The following TBL1XR1 variants were observed in gnomAD, a reference collection of about 807,000 sequenced individuals.
TBL1XR1 encodes the protein F-box-like/WD repeat-containing protein TBL1XR1.
In TBL1XR1, 5 loss-of-function variants were observed where a neutral mutation model predicts 66.9. The observed-to-expected ratio is 0.07, with a 90% CI of 0.04 to 0.16. The LOEUF (loss-of-function observed/expected upper bound fraction) is 0.16, where lower values mean the gene tolerates loss of function less well. Among genes scored for constraint, TBL1XR1 ranks in the 10% least tolerant of loss-of-function variants. TBL1XR1 has a pLI of 1.00. For synonymous variants in TBL1XR1, 210 were observed against 206.0 expected, an observed-to-expected ratio of 1.02 and a Z score of -0.17; for missense variants, 238 against 623.2, an observed-to-expected ratio of 0.38 and a Z score of 6.58.
At chr3:177,161,501 G>C (rs1732204829) in intron 1 of TBL1XR1, among the ~76,000 whole-genome samples, 1 of 152,128 alleles carries the variant, frequency 6.6e-6, no homozygotes, top group Non-Finnish European at 1.5e-5. Flanking sequence ...GGCACTAATT[G>C]GCCAGGCGCG....
At chr3:177,148,310 T>TA (rs1223629889) in intron 1 of TBL1XR1, among the ~76,000 whole-genome samples, 1 of 152,260 alleles carries the variant, frequency 6.6e-6, no homozygotes. Flanking sequence ...AAAGACTTTT[T>TA]AATTTGTGGA....
At chr3:177,169,748 A>G (rs1016921457) in intron 1 of TBL1XR1, among the ~76,000 whole-genome samples, 50 of 152,210 alleles carry the variant, frequency 3.3e-4, no homozygotes, top group Non-Finnish European at 7.3e-5. Context: ...GCAGCTCTAA[A>G]AGATGTAAAT....
chr3:177,042,593 T>G (rs1715739067), intron 10 of TBL1XR1, among the ~76,000 whole-genome samples: 1 of 152,190 alleles, frequency 6.6e-6, no homozygotes, highest in Non-Finnish European at 1.5e-5. Context: ...CCTCCTTATT[T>G]TATATTTACT....
At chr3:177,187,968 G>A (rs1480762765) in intron 1 of TBL1XR1, among the ~76,000 whole-genome samples, 4 of 13,908 alleles carry the variant, frequency 2.9e-4, no homozygotes, top group African/African-American at 9.6e-4. Flanking sequence ...TTTTTTTTTT[G>A]AGATGGAGTC....
rs1241413066 is a variant in TBL1XR1, at chr3:177,130,830, C to T, written c.-121-32289G>A. ...TCTAGAAATGTTTTGAAAGAAAAGGCCACCATATTTGGGGTTTAGAGGTAC... is the reference window on the plus strand; with the variant it reads ...TCTAGAAATGTTTTGAAAGAAAAGGTCACCATATTTGGGGTTTAGAGGTAC... On this transcript the variant is annotated intron_variant, in intron 1 of 15. Transcript: ENST00000457928. Among the ~76,000 whole-genome samples, 4 of 152,222 alleles carry T rather than the reference C, an allele frequency of 2.6e-5. No homozygotes were observed. In the East Asian group the frequency reaches 7.7e-4, roughly 29 times the overall value.
chr3:177,174,645 T>A (rs1433218477), intron 1 of TBL1XR1, among the ~76,000 whole-genome samples: 1 of 152,132 alleles, frequency 6.6e-6, no homozygotes, highest in Non-Finnish European at 1.5e-5. Context: ...TACCACTCTC[T>A]TATGAATCTC....
chr3:177,160,838 A>T (rs1038358884), intron 1 of TBL1XR1: 1 of 152,044 alleles, frequency 6.6e-6, no homozygotes, highest in Non-Finnish European at 1.5e-5. Context: ...GCTACTAAAA[A>T]TACAAAAGTT....
intron 10 of TBL1XR1, among the ~76,000 whole-genome samples, chr3:177,045,369 G>A (rs1716182688): frequency 6.6e-6 from 1 of 152,124 alleles, no homozygotes; most frequent in Non-Finnish European, 1.5e-5. Flanking sequence ...AGTTACTGCA[G>A]TCGGGAAACT....
chr3:177,154,652 C>T (rs1405711937), intron 1 of TBL1XR1, among the ~76,000 whole-genome samples: 2 of 152,128 alleles, frequency 1.3e-5, no homozygotes, highest in Admixed American at 6.6e-5. Context: ...GCCTCAGCCT[C>T]CCGGAGTGCT....
chr3:177,108,692 C>CA (rs1725181621), intron 1 of TBL1XR1, among the ~76,000 whole-genome samples: 2 of 152,022 alleles, frequency 1.3e-5, no homozygotes, highest in Admixed American at 6.6e-5. Flanking sequence ...CAAAAAGAAT[C>CA]AACTCCCTAA....
intron 1 of TBL1XR1, among the ~76,000 whole-genome samples, chr3:177,143,198 T>C (rs1729829623): frequency 6.6e-6 from 1 of 151,992 alleles, no homozygotes; most frequent in African/African-American, 2.4e-5. Context: ...TAGGAAGTTA[T>C]CTTTAAACAG....
chr3:177,101,990 T>A (rs1202580636), intron 1 of TBL1XR1, among the ~76,000 whole-genome samples: 3 of 135,678 alleles, frequency 2.2e-5, no homozygotes, highest in Non-Finnish European at 4.9e-5. Context: ...TGAACATAAA[T>A]AAATGAACAT....
At chr3:177,189,786 G>A (rs535844568) in intron 1 of TBL1XR1, among the ~76,000 whole-genome samples, 21 of 152,078 alleles carry the variant, frequency 1.4e-4, no homozygotes, top group Non-Finnish European at 2.9e-4. Flanking sequence ...ACATTCTTCT[G>A]GTAGATAAAA....
intron 1 of TBL1XR1, among the ~76,000 whole-genome samples, chr3:177,126,871 C>A (rs1727700236): frequency 6.7e-6 from 1 of 150,076 alleles, no homozygotes; most frequent in African/African-American, 2.4e-5. Context: ...CAAATCAAAT[C>A]CTTTTCAAGT....
rs932532727 is a variant in TBL1XR1, at chr3:177,153,968, T to C, written c.-122+43153A>G. On this transcript the variant is annotated intron_variant, in intron 1 of 15. Coordinates refer to ENST00000457928, the MANE Select transcript of TBL1XR1 (RefSeq NM_024665.7). ...TAATAAGACAATAGTAGAAATAATA[T>C]AGAGTGCTAATAATTACTAAATCAA... 9.5e-5 allele frequency among the ~76,000 whole-genome samples: 14 copies of C among 147,118 alleles called. 1 individual carries two copies. The Middle Eastern group carries it at 0.014, about 149-fold the overall frequency.
intron 2 of TBL1XR1, among the ~76,000 whole-genome samples, chr3:177,076,090 G>A (rs940561695): frequency 6.6e-6 from 1 of 152,214 alleles, no homozygotes; most frequent in Non-Finnish European, 1.5e-5. Flanking sequence ...AAGGCTCTCT[G>A]CTTCATAAAT....
chr3:177,073,796 A>G (rs942580674), intron 2 of TBL1XR1, among the ~76,000 whole-genome samples: 7 of 152,136 alleles, frequency 4.6e-5, no homozygotes, highest in African/African-American at 1.7e-4. Flanking sequence ...GTAAAGGCGC[A>G]CTGCTCCCGC....
chr3:177,034,632 T>C (rs1374843167), intron 12 of TBL1XR1, among the ~76,000 whole-genome samples: 2 of 152,130 alleles, frequency 1.3e-5, no homozygotes. Context: ...GGCACAGTTT[T>C]TACACTGTCC....
At chr3:177,036,087 A>G (rs1184820278) in intron 12 of TBL1XR1, among the ~76,000 whole-genome samples, 1 of 152,232 alleles carries the variant, frequency 6.6e-6, no homozygotes. Flanking sequence ...TTGTTTAACT[A>G]AAGGTAAAGG....
Sources: gnomAD v4.1 joint callset for allele counts (sites outside exome capture counted in the v4.1 genomes callset) on GRCh38, gnomAD v4.1.1 for gene constraint, MANE v1.5 for transcripts, NCBI Gene and HGNC (gene_info 2026-07-23, HGNC 2026-07-21) for gene names.